ZFHX3: variants seen among roughly 807,000 people sequenced by gnomAD.
ZFHX3 encodes the protein zinc finger homeobox 3.
Under a neutral mutation model 279.1 loss-of-function variants are expected in ZFHX3, and 42 were observed. The ratio of observed to expected loss-of-function variants is 0.15; its 90% CI spans 0.12 to 0.19. The LOEUF is 0.19. Ranked by LOEUF, ZFHX3 falls within the 10% of genes least tolerant of loss-of-function variation. The pLI, the probability that ZFHX3 is intolerant of heterozygous loss-of-function variation, is 1.00. For missense variants in ZFHX3, 4,981 were observed against 4,754.0 expected, an observed-to-expected ratio of 1.05 and a Z score of -1.40; for synonymous variants, 2,293 against 1,957.8, an observed-to-expected ratio of 1.17 and a Z score of -4.52.
At chr16:73,503,260 A>G (rs1489737328) in intron 2 of ZFHX3, among the ~76,000 whole-genome samples, 3 of 152,232 alleles carry the variant, frequency 2.0e-5, no homozygotes, top group Non-Finnish European at 1.5e-5. Context: ...TGTAACATCT[A>G]TATGTCACGG....
At chr16:73,604,209 C>T (rs2052154381) in intron 2 of ZFHX3, among the ~76,000 whole-genome samples, 1 of 152,154 alleles carries the variant, frequency 6.6e-6, no homozygotes. Flanking sequence ...AATAGTACCT[C>T]TAGTGGCTCT....
At chr16:73,463,158 T>TA (rs1366637486) in intron 2 of ZFHX3, among the ~76,000 whole-genome samples, 2 of 152,252 alleles carry the variant, frequency 1.3e-5, no homozygotes, top group Non-Finnish European at 2.9e-5. Flanking sequence ...TGAACCCTGA[T>TA]ACCTTAAAAT....
intron 5 of ZFHX3, chr16:73,233,055 G>T (rs2012826426): frequency 7.1e-6 from 1 of 140,790 alleles, no homozygotes; most frequent in Non-Finnish European, 1.5e-5. Context: ...TTAAGAAAGG[G>T]ATTACTGGAA....
At chr16:73,266,455 A>G (rs938818766) in intron 4 of ZFHX3, among the ~76,000 whole-genome samples, 1 of 152,174 alleles carries the variant, frequency 6.6e-6, no homozygotes, top group African/African-American at 2.4e-5. Context: ...AAGAGCTAGG[A>G]GGTGCCAGGC....
intron 2 of ZFHX3, among the ~76,000 whole-genome samples, chr16:73,565,501 C>A (rs190986396): frequency 6.6e-6 from 1 of 152,122 alleles, no homozygotes; most frequent in Non-Finnish European, 1.5e-5. Flanking sequence ...CGTCCTTTTC[C>A]CGAAAGGTTA....
chr16:72,950,396 G>T, intron 3 of ZFHX3, 73 bp downstream of exon 3: 1 of 1,563,284 alleles, frequency 6.4e-7, no homozygotes. Context: ...CCTCCCCAGT[G>T]CTCCCTAACT....
chr16:73,263,201 T>A (rs565613842), intron 4 of ZFHX3, among the ~76,000 whole-genome samples: 1 of 152,264 alleles, frequency 6.6e-6, no homozygotes, highest in South Asian at 2.1e-4. Context: ...TCCTTTTTTT[T>A]TTTTTTAATT....
chr16:73,625,105 T>G (rs2052403044), intron 2 of ZFHX3, among the ~76,000 whole-genome samples: 1 of 152,234 alleles, frequency 6.6e-6, no homozygotes, highest in Admixed American at 6.5e-5. Context: ...GATTCTAAAA[T>G]TATTTAAATA....
chr16:73,366,588 C>CAAAAAAAAAA (rs61090242), intron 3 of ZFHX3, among the ~76,000 whole-genome samples: 1 of 121,912 alleles, frequency 8.2e-6, no homozygotes, highest in Non-Finnish European at 1.7e-5. Flanking sequence ...AAACCAAAAC[C>CAAAAAAAAAA]AAAAAAAAAA....
intron 4 of ZFHX3, among the ~76,000 whole-genome samples, chr16:72,844,519 C>A (rs1459690582): frequency 1.3e-5 from 2 of 151,876 alleles, no homozygotes; most frequent in African/African-American, 4.8e-5. Flanking sequence ...ACAGACCTCA[C>A]ATTCCAGGAA....
intron 1 of ZFHX3, among the ~76,000 whole-genome samples, chr16:73,715,554 C>G (rs142172611): frequency 9.6e-5 from 14 of 145,454 alleles, no homozygotes; most frequent in African/African-American, 3.1e-4. Context: ...GCAAGTACCA[C>G]AGCTGGTCTT....
chr16:73,753,739 C>T (rs2053781169), intron 1 of ZFHX3, among the ~76,000 whole-genome samples: 1 of 152,134 alleles, frequency 6.6e-6, no homozygotes, highest in Admixed American at 6.5e-5. Context: ...GCCTGTCCTG[C>T]ATCAAGTTCA....
At chr16:73,709,818 A>C (rs1190264614) in intron 1 of ZFHX3, among the ~76,000 whole-genome samples, 1 of 152,196 alleles carries the variant, frequency 6.6e-6, no homozygotes, top group African/African-American at 2.4e-5. Flanking sequence ...AATAACACCT[A>C]TGTTATTAGG....
chr16:73,573,752 G>T (rs2051766565), intron 2 of ZFHX3, among the ~76,000 whole-genome samples: 1 of 152,126 alleles, frequency 6.6e-6, no homozygotes, highest in African/African-American at 2.4e-5. Flanking sequence ...CACCAGTGTG[G>T]TTGTTTCTGT....
chr16:73,483,283 C>A (rs982210747), intron 2 of ZFHX3: 17 of 427,596 alleles, frequency 4.0e-5, no homozygotes, highest in South Asian at 2.6e-4. Context: ...CGCATAGACA[C>A]GTGCACGGAG....
At chr16:72,859,040 C>T (rs953820295) in intron 4 of ZFHX3, among the ~76,000 whole-genome samples, 3 of 152,252 alleles carry the variant, frequency 2.0e-5, no homozygotes, top group African/African-American at 7.2e-5. Flanking sequence ...CAGGCTCCCT[C>T]CACACCCTCT....
At chr16:73,487,456 G>A (rs1420980228) in intron 2 of ZFHX3, 2 of 439,050 alleles carry the variant, frequency 4.6e-6, no homozygotes, top group Non-Finnish European at 9.1e-6. Context: ...AGGCTGGAGT[G>A]CCAGCATGAT....
intron 1 of ZFHX3, among the ~76,000 whole-genome samples, chr16:73,752,011 G>C (rs953760869): frequency 6.6e-6 from 1 of 152,158 alleles, no homozygotes; most frequent in Non-Finnish European, 1.5e-5. Context: ...TAAGACAAGG[G>C]GAACAATGTT....
At chr16:73,875,508 G>A (rs1305579697) in intron 1 of ZFHX3, among the ~76,000 whole-genome samples, 3 of 151,816 alleles carry the variant, frequency 2.0e-5, no homozygotes, top group African/African-American at 7.3e-5. Flanking sequence ...ATATTTTTCT[G>A]GCTTTTTTCT....
Sources: allele counts gnomAD v4.1 joint callset (sites outside exome capture counted in the v4.1 genomes callset), GRCh38; gene constraint gnomAD v4.1.1; transcripts MANE v1.5; gene names NCBI Gene and HGNC (gene_info 2026-07-23, HGNC 2026-07-21).